HNF4A: variants seen among roughly 807,000 people sequenced by gnomAD.
The protein encoded by HNF4A is hepatocyte nuclear factor 4-alpha.
Under a neutral mutation model 52.4 loss-of-function variants are expected in HNF4A, and 15 were observed. The observed-to-expected ratio is 0.29, with a 90% CI of 0.19 to 0.44. HNF4A has a LOEUF of 0.44. Among genes scored for constraint, HNF4A ranks in the 20% least tolerant of loss-of-function variants. The pLI, the probability that HNF4A is intolerant of heterozygous loss-of-function variation, is 1.00. For synonymous variants in HNF4A, 280 were observed against 264.4 expected, an observed-to-expected ratio of 1.06 and a Z score of -0.57; for missense variants, 479 against 647.2, an observed-to-expected ratio of 0.74 and a Z score of 2.82.
intron 5 of HNF4A, among the ~76,000 whole-genome samples, chr20:44,416,621 T>G (rs948213338): frequency 2.0e-5 from 3 of 152,252 alleles, no homozygotes; most frequent in Non-Finnish European, 4.4e-5. Flanking sequence ...CTCACAGGTT[T>G]CTATCCATGG....
chr20:44,411,493 G>A (rs2063581784), intron 3 of HNF4A, among the ~76,000 whole-genome samples: 1 of 152,036 alleles, frequency 6.6e-6, no homozygotes, highest in Non-Finnish European at 1.5e-5. Flanking sequence ...CTGATGGGTG[G>A]GTGCGGGTGC....
At chr20:44,404,036 G>A (rs2063447688) in intron 1 of HNF4A, among the ~76,000 whole-genome samples, 1 of 152,166 alleles carries the variant, frequency 6.6e-6, no homozygotes, top group South Asian at 2.1e-4. Context: ...CAAGTGGAGG[G>A]GGCTGCACTC....
At chr20:44,401,900 T>C (rs981255427) in intron 1 of HNF4A, among the ~76,000 whole-genome samples, 1 of 151,868 alleles carries the variant, frequency 6.6e-6, no homozygotes, top group African/African-American at 2.4e-5. Flanking sequence ...AGGGATGTTG[T>C]ATCCCTGGAG....
At chr20:44,393,043 C>T (rs574710335) in intron 1 of HNF4A, among the ~76,000 whole-genome samples, 9 of 152,188 alleles carry the variant, frequency 5.9e-5, no homozygotes, top group Non-Finnish European at 1.0e-4. Context: ...CTGGCAAATC[C>T]CTGGGGCCCC....
chr20:44,428,062 A>T (rs1053698973), intron 8 of HNF4A, among the ~76,000 whole-genome samples: 1 of 152,210 alleles, frequency 6.6e-6, no homozygotes, highest in Non-Finnish European at 1.5e-5. Flanking sequence ...TACTCATTAG[A>T]ACATTTACGT....
chr20:44,408,592 T>C (rs1052739824), intron 3 of HNF4A, among the ~76,000 whole-genome samples: 1 of 152,054 alleles, frequency 6.6e-6, no homozygotes, highest in African/African-American at 2.4e-5. Context: ...CTGGGCGTGG[T>C]GGTGCATGCC....
chr20:44,426,668 A>T (rs1444010929), intron 8 of HNF4A, among the ~76,000 whole-genome samples: 2 of 152,068 alleles, frequency 1.3e-5, no homozygotes, highest in Non-Finnish European at 2.9e-5. Context: ...TTAGCCAGAC[A>T]TGGTGGCATG....
intron 3 of HNF4A, chr20:44,407,986 C>T: frequency 8.9e-6 from 2 of 223,960 alleles, no homozygotes; most frequent in South Asian, 1.5e-4. Flanking sequence ...TCTTCACATT[C>T]TAGAAAATGG....
At chr20:44,393,076 C>A (rs541653386) in intron 1 of HNF4A, among the ~76,000 whole-genome samples, 38 of 152,186 alleles carry the variant, frequency 2.5e-4, no homozygotes, top group Non-Finnish European at 4.9e-4. Context: ...TATGGGGAGA[C>A]CAAGGGTGGC....
intron 1 of HNF4A, among the ~76,000 whole-genome samples, chr20:44,362,148 T>C (rs1284516261): frequency 6.6e-6 from 1 of 151,808 alleles, no homozygotes; most frequent in African/African-American, 2.4e-5. Flanking sequence ...TGGCTTATTG[T>C]GGATTACACG....
intron 3 of HNF4A, among the ~76,000 whole-genome samples, chr20:44,408,703 G>A (rs1311879456): frequency 1.3e-5 from 2 of 152,060 alleles, no homozygotes; most frequent in Non-Finnish European, 2.9e-5. Context: ...CTCCAGACTG[G>A]GCAAGACAGC....
At position 44,423,937 on chromosome 20, in the gene HNF4A, C is replaced by G. The variant is rs528613552; in HGVS notation, c.893-81C>G. ...TGAAGACTCCTTGTGTGATACAAGT[C>G]AGGGGACATCTGGGTCTTGACTCCC... On this transcript the variant is annotated intron_variant, in intron 7 of 9. Coordinates refer to ENST00000316099, the MANE Select transcript of HNF4A (RefSeq NM_000457.6). 1.8e-4 allele frequency: 247 copies of G among 1,354,076 alleles called. No individual in the cohort carries two copies. The African/African-American group carries it at 3.2e-3, about 18-fold the overall frequency. 83.9% of individuals were successfully genotyped at this position (1,354,076 alleles called of 1,614,324 possible).
At chr20:44,419,093 G>A (rs1012859405) in intron 6 of HNF4A, among the ~76,000 whole-genome samples, 1 of 152,078 alleles carries the variant, frequency 6.6e-6, no homozygotes, top group African/African-American at 2.4e-5. Context: ...GCATTCTGAT[G>A]TTCTTTCTGG....
intron 1 of HNF4A, among the ~76,000 whole-genome samples, chr20:44,383,911 A>T (rs1600666205): frequency 2.1e-5 from 3 of 142,594 alleles, no homozygotes; most frequent in Non-Finnish European, 3.1e-5. Context: ...AGTGCAATGG[A>T]GCGATCTCGG....
At chr20:44,367,447 C>T (rs6130599) in intron 1 of HNF4A, among the ~76,000 whole-genome samples, 61,832 of 151,160 alleles carry the variant, frequency 0.41, 12,869 homozygotes, top group Middle Eastern at 0.47. Flanking sequence ...AGATTGAGAC[C>T]ATCCTGGCCA....
At chr20:44,426,785 C>A (rs540356207) in intron 8 of HNF4A, among the ~76,000 whole-genome samples, 1 of 151,974 alleles carries the variant, frequency 6.6e-6, no homozygotes, top group African/African-American at 2.4e-5. Flanking sequence ...CCAGCGTGGG[C>A]GACAGAACAA....
upstream of HNF4A, among the ~76,000 whole-genome samples, chr20:44,399,770 A>C (rs1316010190): frequency 1.3e-5 from 2 of 152,014 alleles, no homozygotes; most frequent in East Asian, 3.9e-4. Flanking sequence ...CTCACTCATT[A>C]ATTCTCCCTG....
chr20:44,379,496 A>C (rs1008549029), intron 1 of HNF4A, among the ~76,000 whole-genome samples: 2 of 152,024 alleles, frequency 1.3e-5, no homozygotes, highest in Non-Finnish European at 2.9e-5. Context: ...GTTGTTTTAT[A>C]ATATCCATCC....
upstream of HNF4A, among the ~76,000 whole-genome samples, chr20:44,397,744 C>G (rs1011100563): frequency 6.6e-6 from 1 of 152,092 alleles, no homozygotes; most frequent in African/African-American, 2.4e-5. Flanking sequence ...CTCAGCCTCC[C>G]AAGTAGCCTG....
Sources: gnomAD v4.1 joint callset for allele counts (sites outside exome capture counted in the v4.1 genomes callset) on GRCh38, gnomAD v4.1.1 for gene constraint, MANE v1.5 for transcripts, NCBI Gene and HGNC (gene_info 2026-07-23, HGNC 2026-07-21) for gene names.